SETD9: variants seen among roughly 807,000 people sequenced by gnomAD.
SETD9 encodes SET domain-containing protein 9.
In SETD9, 37 loss-of-function variants were observed where a neutral mutation model predicts 36.4. The observed-to-expected ratio is 1.02, with a 90% CI of 0.78 to 1.34. SETD9 has a LOEUF of 1.34. Among genes scored for constraint, SETD9 ranks in the 40% most tolerant of loss-of-function variants. SETD9 has a pLI of 0.00. For missense variants in SETD9, 323 were observed against 353.2 expected (o/e 0.91, Z 0.69); for synonymous variants, 128 against 132.9 (o/e 0.96, Z 0.26).
intron 3 of SETD9, among the ~76,000 whole-genome samples, chr5:56,913,424 C>G (rs1749258000): frequency 6.6e-6 from 1 of 150,718 alleles, no homozygotes; most frequent in African/African-American, 2.4e-5. Flanking sequence ...TGCTCTGTCG[C>G]CCAGGCTGGA....
chr5:56,925,237 C>A, intron 5 of SETD9: 1 of 357,440 alleles, frequency 2.8e-6, no homozygotes, highest in South Asian at 2.2e-5. Flanking sequence ...TTTTCAACAT[C>A]AATACTGGAA....
rs757150609 is a variant in SETD9 at position 56,911,302 on chromosome 5, C to T, written c.232C>T (p.Leu78Phe). 1.2e-6 allele frequency: 2 copies of T among 1,611,434 alleles called. No individual in the cohort carries two copies. The highest frequency in any genetic ancestry group is 2.2e-5 in the South Asian group (2 of 90,402). ...TAAACAATCAGAAATCTTGTCTATG[C>T]TTCCAGAATCTGTTAAATCAAAATA... ...FNKQSEILSM[L>F]PESVKSKYQD... is the part of the protein sequence containing the mutation. The change falls in exon 2 of 6, where the codon CTT (leucine) becomes TTT (phenylalanine). Residue 78 changes from leucine (L) to phenylalanine (F), a missense_variant. Transcript: ENST00000285947.
downstream of SETD9, among the ~76,000 whole-genome samples, chr5:56,919,126 C>CTTTTTTT (rs34426416): frequency 7.5e-6 from 1 of 132,566 alleles, no homozygotes; most frequent in African/African-American, 2.8e-5. Context: ...TTTGGGACTT[C>CTTTTTTT]TTTTTTTTTT....
intron 5 of SETD9, among the ~76,000 whole-genome samples, chr5:56,924,708 C>T (rs1354608654): frequency 6.6e-6 from 1 of 152,216 alleles, no homozygotes; most frequent in Non-Finnish European, 1.5e-5. Flanking sequence ...CTTGGCTCCA[C>T]ACCCAAACCA....
intron 5 of SETD9, chr5:56,924,169 T>G: frequency 1.2e-5 from 10 of 867,988 alleles, no homozygotes; most frequent in Non-Finnish European, 1.7e-5. Flanking sequence ...TTCTGAACAC[T>G]TTTAATAAAT....
chr5:56,913,087 G>A lies in SETD9; in HGVS notation c.543G>A (p.Gly181=). The A allele has an allele frequency of 1.9e-6, 3 of 1,613,984 alleles. No homozygotes were observed. Among genetic ancestry groups the A allele is most frequent in the Non-Finnish European group, 2.5e-6 (3 of 1,179,956 alleles). Reference sequence around the variant, plus strand: ...CGTTTATTTTTAGATGCCTGGATGGGGTACTCATTGATGGGAATGACAAAG... The same window carrying A: ...CGTTTATTTTTAGATGCCTGGATGGAGTACTCATTGATGGGAATGACAAAG... ...GNPFIFRCLD[G]VLIDGNDKGI... Residue 181 remains glycine (G), a synonymous_variant, in exon 3 of 6, where the codon GGG becomes GGA. Transcript: ENST00000285947.
intron 4 of SETD9, among the ~76,000 whole-genome samples, chr5:56,914,628 A>G (rs919321116): frequency 6.6e-6 from 1 of 152,136 alleles, no homozygotes; most frequent in Non-Finnish European, 1.5e-5. Context: ...GTAATAAAAC[A>G]TGTTTTATAT....
intron 1 of SETD9, chr5:56,910,921 A>G (rs1434467570): frequency 3.6e-6 from 1 of 276,828 alleles, no homozygotes. Context: ...AAATGGAATA[A>G]TGTAAGGACC....
At chr5:56,921,129 T>C (rs1259565452), downstream of SETD9, 1 of 152,584 alleles carries the variant, frequency 6.6e-6, no homozygotes, top group Admixed American at 6.5e-5. Flanking sequence ...AGAATGGGCA[T>C]GTTCATTTAA....
intron 5 of SETD9, chr5:56,923,693 G>A: frequency 6.2e-7 from 1 of 1,614,206 alleles, no homozygotes; most frequent in African/African-American, 1.3e-5. Flanking sequence ...CATTTTACCT[G>A]TCAAGTCACT....
intron 1 of SETD9, chr5:56,910,057 C>T (rs1749026680): frequency 1.5e-6 from 2 of 1,290,352 alleles, no homozygotes; most frequent in Admixed American, 3.5e-5. Flanking sequence ...CGCTGCCGGG[C>T]CCGCGAGGCC....
chr5:56,918,873 T>A (rs1367636407), downstream of SETD9, among the ~76,000 whole-genome samples: 2 of 152,176 alleles, frequency 1.3e-5, no homozygotes, highest in Non-Finnish European at 2.9e-5. Context: ...GACAAACTTG[T>A]GAAATAATGG....
intron 3 of SETD9, 81 bp from the exon 4 acceptor site, chr5:56,913,793 C>G: frequency 1.2e-5 from 8 of 642,442 alleles, no homozygotes; most frequent in Non-Finnish European, 1.8e-5. Context: ...AAAAAATGCA[C>G]TGGTGTAATT....
rs150596656 is a variant in SETD9 at position 56,914,651 on chromosome 5, ATATTT to A, written c.707-201_707-197del. On this transcript the variant is annotated intron_variant, in intron 4 of 5. Transcript: ENST00000285947. ...ACATGTTTTATATATGTCTTTTTGA[ATATTT>A]TATTTTATATATTTATGATTTACCA... Among the ~76,000 whole-genome samples the A allele has an allele frequency of 3.0e-3, 454 of 152,220 alleles. 4 individuals carry two copies. Among genetic ancestry groups the A allele is most frequent in the Non-Finnish European group, 4.5e-3 (305 of 67,994 alleles).
chr5:56,918,045 A>G (rs540071036), downstream of SETD9, among the ~76,000 whole-genome samples: 2 of 152,176 alleles, frequency 1.3e-5, no homozygotes, highest in Non-Finnish European at 2.9e-5. Flanking sequence ...CTTACAGAAC[A>G]TATCACCAAG....
chr5:56,917,818 AAT>A (rs1157003602), downstream of SETD9, among the ~76,000 whole-genome samples: 1 of 152,216 alleles, frequency 6.6e-6, no homozygotes, highest in Non-Finnish European at 1.5e-5. Context: ...TTTTATTAGC[AAT>A]AGTTACTTTG....
chr5:56,923,142 G>A, intron 5 of SETD9: 2 of 1,613,806 alleles, frequency 1.2e-6, no homozygotes, highest in Non-Finnish European at 1.7e-6. Context: ...TCAGAGTGTA[G>A]GGCCGCGTGC....
At chr5:56,920,841 C>A (rs1202937316), downstream of SETD9, 2 of 152,480 alleles carry the variant, frequency 1.3e-5, no homozygotes, top group African/African-American at 4.8e-5. Flanking sequence ...ATTATTGCCT[C>A]ATTTTAACAA....
chr5:56,913,047 A>T lies in SETD9; in HGVS notation c.503A>T (p.Gln168Leu), dbSNP rs1749230248. 6.2e-7 allele frequency: 1 copy of T among 1,613,970 alleles called. No individual in the cohort carries two copies. Among genetic ancestry groups the T allele is most frequent in the Non-Finnish European group, 8.5e-7 (1 of 1,179,890 alleles). The part of the protein sequence containing the change: ...VYQKYEPIFF[Q>L]SIGNPFIFRC... ...CAGAAGTATGAGCCGATCTTTTTCC[A>T]GTCCATTGGAAATCCGTTTATTTTT... Residue 168 changes from glutamine to leucine, a missense_variant, in exon 3 of 6, where the codon CAG (glutamine) becomes CTG (leucine). Coordinates refer to ENST00000285947, the MANE Select transcript of SETD9 (RefSeq NM_153706.4).
Sources: gnomAD v4.1 joint callset for allele counts (sites outside exome capture counted in the v4.1 genomes callset) on GRCh38, gnomAD v4.1.1 for gene constraint, MANE v1.5 for transcripts, NCBI Gene and HGNC (gene_info 2026-07-23, HGNC 2026-07-21) for gene names.